HTR3A: variants seen among roughly 807,000 people sequenced by gnomAD.
HTR3A encodes 5-hydroxytryptamine (serotonin) receptor 3A, ionotropic.
In HTR3A, 45 loss-of-function variants were observed where a neutral mutation model predicts 54.8. The observed-to-expected ratio is 0.82, with a 90% CI of 0.65 to 1.05. The LOEUF is 1.05. Among genes scored for constraint, HTR3A ranks in the 50% least tolerant of loss-of-function variants. The pLI is 0.00. For missense variants in HTR3A, 657 were observed against 614.0 expected (o/e 1.07, Z -0.74); for synonymous variants, 297 against 256.0 (o/e 1.16, Z -1.53).
intron 5 of HTR3A, among the ~76,000 whole-genome samples, chr11:113,985,143 A>G (rs1299148130): frequency 6.6e-6 from 1 of 152,166 alleles, no homozygotes; most frequent in Non-Finnish European, 1.5e-5. Context: ...TATTTTTCCA[A>G]ATCCTTCTCT....
chr11:113,978,048 C>T, intron 2 of HTR3A, 126 bp downstream of exon 2: 7 of 1,120,682 alleles, frequency 6.2e-6, no homozygotes, highest in Non-Finnish European at 9.4e-6. Flanking sequence ...CGGTCTGGCA[C>T]CACAGCTCAG....
At position 113,983,115 on chromosome 11, in the gene HTR3A, G is replaced by A. The variant is rs570555859; in HGVS notation, c.375-5G>A. On this transcript the variant is annotated splice_polypyrimidine_tract_variant and splice_region_variant and intron_variant, in intron 4 of 8. Transcript: ENST00000504030. Reference sequence around the variant, plus strand: ...CTCCCAAACTAACCCCTTTTCCCCCGCCAGCGTGGATGTGGGGAAGTCTCC... The same window carrying A: ...CTCCCAAACTAACCCCTTTTCCCCCACCAGCGTGGATGTGGGGAAGTCTCC... The A allele has an allele frequency of 1.7e-5, 27 of 1,614,124 alleles. No homozygotes were observed. Among genetic ancestry groups the A allele is most frequent in the South Asian group, 8.8e-5 (8 of 91,080 alleles).
At position 113,990,113 on chromosome 11, in the gene HTR3A, A is replaced by G. The variant is rs1385336247; in HGVS notation, c.*350A>G. Reference sequence around the variant, plus strand: ...CCTCACCTGAATAAGGGACTTTGGAATTCTGCTTCTCTTTCACAACTTTGC... The same window carrying G: ...CCTCACCTGAATAAGGGACTTTGGAGTTCTGCTTCTCTTTCACAACTTTGC... On this transcript the variant is annotated 3_prime_UTR_variant, in exon 9 of 9. Coordinates refer to ENST00000504030, the MANE Select transcript of HTR3A (RefSeq NM_000869.6). 1 of 490,218 alleles carries G rather than the reference A, an allele frequency of 2.0e-6. No individual in the cohort carries two copies. Among genetic ancestry groups the G allele is most frequent in the African/African-American group, 1.9e-5 (1 of 51,516 alleles). 30.4% of individuals were successfully genotyped at this position (490,218 alleles called of 1,614,324 possible). A position where few individuals can be genotyped will look rare whatever the true frequency, so the allele number is the denominator to read the frequency against.
chr11:113,986,783 AC>A, intron 7 of HTR3A, 41 bp from the exon 8 acceptor site: 1 of 1,605,492 alleles, frequency 6.2e-7, no homozygotes, highest in Non-Finnish European at 8.5e-7. Flanking sequence ...GCCCCCTCCC[AC>A]CTCCTGCATG....
intron 3 of HTR3A, among the ~76,000 whole-genome samples, chr11:113,980,849 G>A (rs78602608): frequency 0.054 from 8,244 of 152,346 alleles, 312 homozygotes; most frequent in Non-Finnish European, 0.08. Flanking sequence ...TCTCCACCCT[G>A]TGAAGGAGAT....
intron 5 of HTR3A, 63 bp downstream of exon 5, chr11:113,983,352 G>A (rs951917998): frequency 4.1e-5 from 65 of 1,581,860 alleles, no homozygotes; most frequent in East Asian, 2.2e-4. Flanking sequence ...ACACCTGAGC[G>A]AGGAGTGCTC....
chr11:113,986,142 A>G lies in HTR3A; in HGVS notation c.672A>G (p.Glu224=). Residue 224 remains glutamate (E), a synonymous_variant, in exon 6 of 9, where the codon GAA becomes GAG. Transcript: ENST00000504030. ...CCTACTTTCGGGAGTTCAGCATGGA[A>G]AGCAGTAACTACTATGCAGAAATGA... ...VLPYFREFSM[E]SSNYYAEMKF... 3 of 1,614,180 alleles carry G rather than the reference A, an allele frequency of 1.9e-6. No individual in the cohort carries two copies. Among genetic ancestry groups the G allele is most frequent in the Non-Finnish European group, 2.5e-6 (3 of 1,180,034 alleles).
rs778861916 is a variant in HTR3A, at chr11:113,983,254, A to ACTG, written c.512_514dup (p.Cys171dup). ...TACAACTTCCCCTTCGATGTCCAGA[A>ACTG]CTGCTCGCTGACCTTCACCAGTTGG... On this transcript the variant is annotated inframe_insertion, in exon 5 of 9. Coordinates refer to ENST00000504030, the MANE Select transcript of HTR3A (RefSeq NM_000869.6). The ACTG allele has an allele frequency of 1.9e-6, 3 of 1,614,174 alleles. No homozygotes were observed. In the Admixed American group the frequency reaches 5.0e-5, roughly 27 times the overall value.
rs1950530435 is a variant in HTR3A at position 113,989,754 on chromosome 11, G to A, written c.1428G>A (p.Gln476=). ...TGGTTATGCTCTGGTCCATCTGGCA[G>A]TACGCTTGAGTGGGTACAGCCCAGT... ...ITLVMLWSIW[Q]YA is the part of the protein sequence containing the mutation. Residue 476 remains glutamine (Q), a synonymous_variant, in exon 9 of 9, where the codon CAG becomes CAA. Transcript: ENST00000504030. The surrounding 1 kb of genome is among the most constrained non-coding windows in gnomAD (Gnocchi z 4.4). The A allele has an allele frequency of 6.2e-7, 1 of 1,610,350 alleles. No homozygotes were observed. The highest frequency in any genetic ancestry group is 8.5e-7 in the Non-Finnish European group (1 of 1,180,028).
chr11:113,980,656 A>T (rs534774246), intron 3 of HTR3A, among the ~76,000 whole-genome samples: 34 of 152,380 alleles, frequency 2.2e-4, no homozygotes, highest in Non-Finnish European at 3.5e-4. Flanking sequence ...ATGAGGCTAG[A>T]GGGATAGCGG....
At position 113,989,922 on chromosome 11, in the gene HTR3A, A is replaced by G. The variant is rs1233015101; in HGVS notation, c.*159A>G. Reference sequence around the variant, plus strand: ...CCAATGCCAATTCATCTCAGCAATCACAAGCCAAGGTCTGAACCCTTCCAC... The same window carrying G: ...CCAATGCCAATTCATCTCAGCAATCGCAAGCCAAGGTCTGAACCCTTCCAC... On this transcript the variant is annotated 3_prime_UTR_variant, in exon 9 of 9. Coordinates refer to ENST00000504030, the MANE Select transcript of HTR3A (RefSeq NM_000869.6). This position sits in a 1 kb window ranked among gnomAD's most constrained non-coding sequence, Gnocchi z 4.4. 3 of 868,516 alleles carry G rather than the reference A, an allele frequency of 3.5e-6. No homozygotes were observed. The highest frequency in any genetic ancestry group is 2.6e-5 in the East Asian group (1 of 38,534). The allele number at this position is 868,516 out of a possible 1,614,324, so 53.8% of individuals were successfully genotyped here. A position where few individuals can be genotyped will look rare whatever the true frequency, so the allele number is the denominator to read the frequency against.
At position 113,979,117 on chromosome 11, in the gene HTR3A, C is replaced by T. The variant is rs1591600965; in HGVS notation, c.220-116C>T. 3.6e-6 allele frequency: 3 copies of T among 840,720 alleles called. No homozygotes were observed. In the African/African-American group the frequency reaches 5.0e-5, roughly 14 times the overall value. 52.1% of individuals were successfully genotyped at this position (840,720 alleles called of 1,614,324 possible). A position where few individuals can be genotyped will look rare whatever the true frequency, so the allele number is the denominator to read the frequency against. On this transcript the variant is annotated intron_variant, in intron 2 of 8. Transcript: ENST00000504030. ...TCCCGACCCCGGCCCCTGCTCTTCA[C>T]TTTCACTTCCCAAAGCAATAGGGAC...
In HTR3A at chr11:113,989,250, C is replaced by G. The variant is rs2137589060; in HGVS notation, c.1139-215C>G. On this transcript the variant is annotated intron_variant, in intron 8 of 8. Coordinates refer to ENST00000504030, the MANE Select transcript of HTR3A (RefSeq NM_000869.6). This position sits in a 1 kb window ranked among gnomAD's most constrained non-coding sequence, Gnocchi z 4.4. ...TAGTGGCACGTGCCTGTAATCCCAG[C>G]TACTTGGGAGGTTGAGGCAGGAGAA... Among the ~76,000 whole-genome samples the G allele has an allele frequency of 2.0e-5, 3 of 151,654 alleles. No homozygotes were observed. Among genetic ancestry groups the G allele is most frequent in the East Asian group, 3.9e-4 (2 of 5,138 alleles).
chr11:113,986,536 C>G lies in HTR3A; in HGVS notation c.724C>G (p.Pro242Ala), dbSNP rs370520862. 6.2e-7 allele frequency: 1 copy of G among 1,612,606 alleles called. No homozygotes were observed. Among genetic ancestry groups the G allele is most frequent in the Non-Finnish European group, 8.5e-7 (1 of 1,180,034 alleles). Residue 242 changes from proline (P) to alanine (A), a missense_variant, in exon 7 of 9, where the codon CCC becomes GCC. Coordinates refer to ENST00000504030, the MANE Select transcript of HTR3A (RefSeq NM_000869.6). ...MKFYVVIRRR[P>A]LFYVVSLLLP... ...GTCCCAGGTGGTCATCCGCCGGCGG[C>G]CCCTCTTCTATGTGGTCAGCCTGCT...
intron 4 of HTR3A, among the ~76,000 whole-genome samples, chr11:113,981,854 C>T (rs563998792): frequency 1.2e-3 from 185 of 151,578 alleles, no homozygotes; most frequent in Non-Finnish European, 1.8e-3. Context: ...GCTACTCGGG[C>T]AGCTGAGGCA....
intron 4 of HTR3A, among the ~76,000 whole-genome samples, chr11:113,982,445 G>T (rs773457152): frequency 2.0e-5 from 3 of 152,172 alleles, no homozygotes; most frequent in Non-Finnish European, 4.4e-5. Flanking sequence ...TTTCAACAGT[G>T]AAGTGGCCTT....
chr11:113,979,847 T>G (rs1950400095), intron 3 of HTR3A, among the ~76,000 whole-genome samples: 1 of 152,018 alleles, frequency 6.6e-6, no homozygotes, highest in East Asian at 1.9e-4. Context: ...TGGAAGCCCC[T>G]GGGGTTGTTG....
intron 8 of HTR3A, among the ~76,000 whole-genome samples, chr11:113,988,728 C>T (rs538262953): frequency 6.6e-5 from 10 of 152,252 alleles, no homozygotes; most frequent in Admixed American, 3.3e-4. Flanking sequence ...TGCACCACTG[C>T]ACTCTAGCCT....
At chr11:113,988,099 TC>T (rs1950513394) in intron 8 of HTR3A, among the ~76,000 whole-genome samples, 1 of 152,200 alleles carries the variant, frequency 6.6e-6, no homozygotes, top group East Asian at 1.9e-4. Context: ...TTCTAACCAC[TC>T]CTCTCCACTC....
Sources: allele counts gnomAD v4.1 joint callset (sites outside exome capture counted in the v4.1 genomes callset), GRCh38; gene constraint gnomAD v4.1.1; non-coding constraint Gnocchi (gnomAD v3.1); transcripts MANE v1.5; gene names NCBI Gene and HGNC (gene_info 2026-07-23, HGNC 2026-07-21).